Variants in ABHD3 observed in about 807,000 individuals in gnomAD.
ABHD3 encodes the protein abhydrolase domain containing 3, phospholipase, also known as phospholipase ABHD3.
A neutral mutation model predicts 48.8 loss-of-function variants in ABHD3; 46 were observed. That is an observed-to-expected ratio of 0.94 (90% CI 0.74 to 1.20). The LOEUF is 1.20. Ranked by LOEUF, ABHD3 falls within the 50% of genes most tolerant of loss-of-function variation. ABHD3 has a pLI of 0.00. For missense variants in ABHD3, 490 were observed against 497.8 expected (o/e 0.98, Z 0.15); for synonymous variants, 192 against 183.7 (o/e 1.04, Z -0.36).
chr18:21,660,098 A>G (rs1361373029), intron 5 of ABHD3, among the ~76,000 whole-genome samples: 7 of 145,862 alleles, frequency 4.8e-5, no homozygotes, highest in African/African-American at 1.8e-4. Context: ...AGTATCTGGG[A>G]CTACACGTGT....
chr18:21,683,405 G>A (rs1392934476), intron 4 of ABHD3: 2 of 341,556 alleles, frequency 5.9e-6, no homozygotes, highest in Non-Finnish European at 6.3e-6. Context: ...ACAGGCATGT[G>A]ACATACAAAA....
intron 3 of ABHD3, among the ~76,000 whole-genome samples, chr18:21,695,457 T>TC (rs2040349364): frequency 6.6e-6 from 1 of 152,232 alleles, no homozygotes; most frequent in East Asian, 1.9e-4. Flanking sequence ...CTGCTTTTTT[T>TC]CTCCTTCTTG....
Position 21,704,702 on chromosome 18 carries a change from G to A in ABHD3, c.-37C>T. The A allele has an allele frequency of 7.2e-7, 1 of 1,392,592 alleles. No homozygotes were observed. The highest frequency in any genetic ancestry group is 9.4e-7 in the Non-Finnish European group (1 of 1,067,868). 86.3% of individuals were successfully genotyped at this position (1,392,592 alleles called of 1,614,324 possible). A position where few individuals can be genotyped will look rare whatever the true frequency, so the allele number is the denominator to read the frequency against. On this transcript the variant is annotated 5_prime_UTR_variant, in exon 1 of 9. Transcript: ENST00000289119. ...GCGGCGCGCGGGTCCTGCGGCGGGA[G>A]GAGAGCCGGCTGGCGAGCGGGCGAG...
chr18:21,702,002 C>G (rs1363919509), intron 3 of ABHD3: 1 of 194,086 alleles, frequency 5.2e-6, no homozygotes, highest in Non-Finnish European at 1.1e-5. Flanking sequence ...TGTTCTCCCT[C>G]CATAACACAC....
In ABHD3 at chr18:21,704,492, C is replaced by T. The variant is rs1187339672; in HGVS notation, c.162+12G>A. ...CCCAGCAGCCCGCGGCCCTGCGCCA[C>T]CCCCGGCTCACCTTGGCAATGCTGC... is the stretch of plus-strand genomic sequence containing the variant. On this transcript the variant is annotated intron_variant, in intron 1 of 8. Coordinates refer to ENST00000289119, the MANE Select transcript of ABHD3 (RefSeq NM_138340.5). 10 of 1,403,732 alleles carry T rather than the reference C, an allele frequency of 7.1e-6. No homozygotes were observed. Among genetic ancestry groups the T allele is most frequent in the Non-Finnish European group, 3.7e-6 (4 of 1,068,878 alleles). The allele number at this position is 1,403,732 out of a possible 1,614,324, so 87.0% of individuals were successfully genotyped here. A position where few individuals can be genotyped will look rare whatever the true frequency, so the allele number is the denominator to read the frequency against.
intron 8 of ABHD3, 128 bp from the exon 9 acceptor site, chr18:21,651,891 A>G: frequency 1.3e-6 from 1 of 789,700 alleles, no homozygotes; most frequent in Non-Finnish European, 1.9e-6. Context: ...ACACCATTAT[A>G]TAAATATATG....
intron 3 of ABHD3, among the ~76,000 whole-genome samples, chr18:21,690,996 C>CAAAAAA (rs34425997): frequency 6.3e-5 from 4 of 63,200 alleles, no homozygotes; most frequent in Admixed American, 1.7e-4. Context: ...GACTCTGTCT[C>CAAAAAA]AAAAAAAAAA....
chr18:21,682,331 G>A (rs2040022450), intron 4 of ABHD3: 1 of 152,200 alleles, frequency 6.6e-6, no homozygotes, highest in Non-Finnish European at 1.5e-5. Flanking sequence ...TGGTCTTTGC[G>A]CTGAGAGAGC....
intron 4 of ABHD3, among the ~76,000 whole-genome samples, chr18:21,674,288 C>A (rs1427530049): frequency 6.6e-6 from 1 of 150,616 alleles, no homozygotes; most frequent in Admixed American, 6.6e-5. Context: ...GTTGCCCAGG[C>A]TGCAGTGCAG....
At chr18:21,683,594 T>C in intron 4 of ABHD3, 1 of 495,276 alleles carries the variant, frequency 2.0e-6, no homozygotes, top group South Asian at 1.5e-5. Context: ...AAAAATGATG[T>C]AGGTGAATAA....
At chr18:21,656,506 C>T (rs2039353162) in intron 8 of ABHD3, among the ~76,000 whole-genome samples, 1 of 152,172 alleles carries the variant, frequency 6.6e-6, no homozygotes, top group South Asian at 2.1e-4. Flanking sequence ...ACTTCAAATT[C>T]TTCTTTATAG....
chr18:21,656,877 A>C lies in ABHD3; in HGVS notation c.1041T>G (p.Val347=), dbSNP rs2039363215. The C allele has an allele frequency of 6.3e-7, 1 of 1,598,474 alleles. No individual in the cohort carries two copies. The highest frequency in any genetic ancestry group is 1.3e-5 in the African/African-American group (1 of 74,596). The change falls in exon 8 of 9, where the codon GTT becomes GTG. Residue 347 remains valine (V), a synonymous_variant. Coordinates refer to ENST00000289119, the MANE Select transcript of ABHD3 (RefSeq NM_138340.5). Reference sequence around the variant, plus strand: ...TAATTTTACCATGACTGGGTGAGAAAACATCATCCACAGAATTTAGACACA... The same window carrying C: ...TAATTTTACCATGACTGGGTGAGAACACATCATCCACAGAATTTAGACACA... ...PVLCLNSVDD[V]FSPSHAIPIE... is the part of the protein sequence containing the mutation.
intron 3 of ABHD3, among the ~76,000 whole-genome samples, chr18:21,693,311 T>C (rs574529912): frequency 6.6e-6 from 1 of 152,198 alleles, no homozygotes; most frequent in Non-Finnish European, 1.5e-5. Flanking sequence ...GTCTAGGTAT[T>C]GTTACAGATG....
At chr18:21,670,262 G>A (rs770356094) in intron 4 of ABHD3, among the ~76,000 whole-genome samples, 4 of 152,146 alleles carry the variant, frequency 2.6e-5, no homozygotes, top group Non-Finnish European at 5.9e-5. Flanking sequence ...AAAGGCATAC[G>A]TGGGAATGGT....
intron 4 of ABHD3, among the ~76,000 whole-genome samples, chr18:21,669,425 C>T (rs1158991835): frequency 6.6e-6 from 1 of 152,082 alleles, no homozygotes; most frequent in Non-Finnish European, 1.5e-5. Flanking sequence ...GGTAGGTATT[C>T]ATTCCCAAAA....
At chr18:21,700,889 A>G (rs1036983697) in intron 3 of ABHD3, among the ~76,000 whole-genome samples, 3 of 143,156 alleles carry the variant, frequency 2.1e-5, no homozygotes, top group African/African-American at 8.0e-5. Flanking sequence ...CCTGTAAGAG[A>G]CTGCAGTGAA....
chr18:21,693,378 GAC>G (rs2146330234), intron 3 of ABHD3, among the ~76,000 whole-genome samples: 1 of 152,292 alleles, frequency 6.6e-6, no homozygotes, highest in Admixed American at 6.5e-5. Flanking sequence ...GGTAGTGTAT[GAC>G]AGAGTTAGGA....
chr18:21,693,138 A>G (rs1482096972), intron 3 of ABHD3, among the ~76,000 whole-genome samples: 1 of 152,194 alleles, frequency 6.6e-6, no homozygotes, highest in East Asian at 1.9e-4. Flanking sequence ...TCTCATTTTA[A>G]TCTGACCAGA....
intron 4 of ABHD3, among the ~76,000 whole-genome samples, chr18:21,682,745 G>C (rs539738041): frequency 1.3e-5 from 2 of 152,072 alleles, no homozygotes; most frequent in African/African-American, 2.4e-5. Flanking sequence ...CTTCCCCCCC[G>C]GCTTTGTGTC....
Sources: allele counts gnomAD v4.1 joint callset (sites outside exome capture counted in the v4.1 genomes callset), GRCh38; gene constraint gnomAD v4.1.1; transcripts MANE v1.5; gene names NCBI Gene and HGNC (gene_info 2026-07-23, HGNC 2026-07-21).